Variants in CELF2 observed in about 807,000 individuals in gnomAD.
CELF2 encodes CUG triplet repeat RNA-binding protein 2.
Under a neutral mutation model 62.6 loss-of-function variants are expected in CELF2, and 8 were observed. That is an observed-to-expected ratio of 0.13 (90% CI 0.07 to 0.23). CELF2 has a LOEUF of 0.23. Among genes scored for constraint, CELF2 ranks in the 10% least tolerant of loss-of-function variants. The probability of loss-of-function intolerance (pLI) is 1.00; values close to 1 mark genes in which losing one functional copy is unlikely to be tolerated. For synonymous variants in CELF2, 258 were observed against 250.0 expected, an observed-to-expected ratio of 1.03 and a Z score of -0.30; for missense variants, 333 against 671.0, an observed-to-expected ratio of 0.50 and a Z score of 5.56.
chr10:11,228,842 G>T (rs991756900), intron 3 of CELF2, among the ~76,000 whole-genome samples: 1 of 152,032 alleles, frequency 6.6e-6, no homozygotes, highest in African/African-American at 2.4e-5. Context: ...AACTCTGCAG[G>T]TCACTGACAA....
the CELF2 span, among the ~76,000 whole-genome samples, chr10:10,474,635 C>T: frequency 2.0e-5 from 3 of 152,038 alleles, no homozygotes; most frequent in African/African-American, 7.2e-5. Flanking sequence ...GATTCCTAAC[C>T]TGCAGGCCAT....
the CELF2 span, among the ~76,000 whole-genome samples, chr10:10,651,887 G>A: frequency 0.4 from 56,075 of 141,864 alleles, 9,397 homozygotes; most frequent in South Asian, 0.61. Flanking sequence ...ACTTTGACGA[G>A]CTGAGAGAAG....
intron 1 of CELF2, among the ~76,000 whole-genome samples, chr10:11,085,632 C>A (rs1433936652): frequency 6.6e-6 from 1 of 151,574 alleles, no homozygotes; most frequent in Non-Finnish European, 1.5e-5. Context: ...ACAGAAACTG[C>A]CTAAAGTTAC....
chr10:10,780,869 A>G, the CELF2 span, among the ~76,000 whole-genome samples: 6 of 152,218 alleles, frequency 3.9e-5, no homozygotes, highest in African/African-American at 1.4e-4. Flanking sequence ...CTAGAATCCC[A>G]CTCATCAGCA....
At chr10:10,708,933 G>C in the CELF2 span, among the ~76,000 whole-genome samples, 1 of 152,092 alleles carries the variant, frequency 6.6e-6, no homozygotes. Flanking sequence ...TTTATATCTA[G>C]AAAAATGAAT....
the CELF2 span, among the ~76,000 whole-genome samples, chr10:10,687,563 G>C: frequency 6.6e-6 from 1 of 152,092 alleles, no homozygotes; most frequent in East Asian, 1.9e-4. Context: ...TAACATCAGA[G>C]AGTCATTGGC....
the CELF2 span, among the ~76,000 whole-genome samples, chr10:10,582,621 C>G: frequency 6.6e-6 from 1 of 152,124 alleles, no homozygotes; most frequent in Non-Finnish European, 1.5e-5. Flanking sequence ...CCTGCATATT[C>G]TTTCTCAGAC....
intron 2 of CELF2, among the ~76,000 whole-genome samples, chr10:10,992,094 A>G (rs1264831045): frequency 1.3e-5 from 2 of 152,184 alleles, no homozygotes; most frequent in African/African-American, 4.8e-5. Context: ...CAGACAAGAA[A>G]ACAAATTTAC....
In CELF2 at chr10:11,039,835, T is replaced by C. The variant is rs1239786505; in HGVS notation, c.74+21672T>C. On this transcript the variant is annotated intron_variant, in intron 1 of 12. Coordinates refer to ENST00000633077, the MANE Select transcript of CELF2 (RefSeq NM_001326342.2). The surrounding 1 kb of genome is among the most constrained non-coding windows in gnomAD (Gnocchi z 4.1). ...TGGACCAGAGTAACCTAAAGATGCA[T>C]GTTGGTATATATTTTAATTCCAGGT... is the stretch of plus-strand genomic sequence containing the variant. Among the ~76,000 whole-genome samples, 6 of 152,156 alleles carry C rather than the reference T, an allele frequency of 3.9e-5. No homozygotes were observed. Among genetic ancestry groups the C allele is most frequent in the African/African-American group, 1.4e-4 (6 of 41,438 alleles).
intron 2 of CELF2, among the ~76,000 whole-genome samples, chr10:10,969,889 A>G (rs778308301): frequency 1.3e-5 from 2 of 152,112 alleles, no homozygotes; most frequent in Non-Finnish European, 2.9e-5. Flanking sequence ...ATAGTTTACC[A>G]ATGTACTACC....
At chr10:10,945,596 G>C (rs1402299531) in intron 2 of CELF2, among the ~76,000 whole-genome samples, 1 of 152,208 alleles carries the variant, frequency 6.6e-6, no homozygotes, top group Non-Finnish European at 1.5e-5. Context: ...TCCATGTTTA[G>C]CCATCTAGGC....
intron 2 of CELF2, among the ~76,000 whole-genome samples, chr10:10,980,651 C>T (rs2051981763): frequency 6.6e-6 from 1 of 152,252 alleles, no homozygotes. Context: ...TGAGGACTCA[C>T]ATGATCTCCT....
At chr10:10,600,929 C>G in the CELF2 span, among the ~76,000 whole-genome samples, 1 of 152,166 alleles carries the variant, frequency 6.6e-6, no homozygotes, top group East Asian at 1.9e-4. Flanking sequence ...AGTCATCTGC[C>G]CATGCCACAT....
the CELF2 span, among the ~76,000 whole-genome samples, chr10:10,467,690 T>C: frequency 6.6e-6 from 1 of 152,068 alleles, no homozygotes; most frequent in Non-Finnish European, 1.5e-5. Context: ...TATTGAGTCC[T>C]CCATCCATAA....
the CELF2 span, among the ~76,000 whole-genome samples, chr10:10,717,657 G>T: frequency 1.2e-3 from 182 of 152,270 alleles, no homozygotes; most frequent in Non-Finnish European, 2.1e-3. Context: ...AATGCAGGAA[G>T]AATTTATCAC....
chr10:11,273,602 C>T (rs2084720281), intron 7 of CELF2, among the ~76,000 whole-genome samples: 2 of 152,126 alleles, frequency 1.3e-5, no homozygotes, highest in Admixed American at 6.5e-5. Context: ...GATCCATTTT[C>T]GAGTCATATC....
chr10:11,063,568 C>T (rs910418366), intron 1 of CELF2, among the ~76,000 whole-genome samples: 1 of 152,202 alleles, frequency 6.6e-6, no homozygotes, highest in Non-Finnish European at 1.5e-5. Flanking sequence ...TTTATTCATA[C>T]TCAATAAAAT....
chr10:11,232,003 T>G (rs1362447179), intron 3 of CELF2, among the ~76,000 whole-genome samples: 3 of 152,238 alleles, frequency 2.0e-5, no homozygotes, highest in Non-Finnish European at 4.4e-5. Flanking sequence ...ATCTTTTTTT[T>G]TATTATACTT....
chr10:10,499,530 G>C, the CELF2 span, among the ~76,000 whole-genome samples: 2 of 152,130 alleles, frequency 1.3e-5, no homozygotes, highest in Non-Finnish European at 2.9e-5. Context: ...GCAGAGGAGG[G>C]AAAGAATGGC....
Sources: allele counts gnomAD v4.1 joint callset (sites outside exome capture counted in the v4.1 genomes callset), GRCh38; gene constraint gnomAD v4.1.1; non-coding constraint Gnocchi (gnomAD v3.1); transcripts MANE v1.5; gene names NCBI Gene and HGNC (gene_info 2026-07-23, HGNC 2026-07-21).